LIMS4: variants seen among roughly 807,000 people sequenced by gnomAD.
LIMS4 encodes LIM zinc finger domain containing 4.
chr2:110,373,747 C>G, the LIMS4 span, among the ~76,000 whole-genome samples: 4 of 149,786 alleles, frequency 2.7e-5, no homozygotes, highest in South Asian at 8.3e-4. Context: ...TCTGCCCGCC[C>G]TGGTTCAGGC....
the LIMS4 span, among the ~76,000 whole-genome samples, chr2:110,410,227 T>C: frequency 2.2e-5 from 3 of 139,474 alleles, no homozygotes; most frequent in Non-Finnish European, 4.6e-5. Flanking sequence ...CTCATGCCTA[T>C]AATCCCAGCA....
chr2:110,401,071 C>CAG, the LIMS4 span, among the ~76,000 whole-genome samples: 1 of 113,802 alleles, frequency 8.8e-6, no homozygotes, highest in South Asian at 3.1e-4. Flanking sequence ...GGCAGTAAGG[C>CAG]AGAGAGAGAG....
At chr2:110,359,292 T>TA in the LIMS4 span, among the ~76,000 whole-genome samples, 512 of 111,874 alleles carry the variant, frequency 4.6e-3, no homozygotes, top group African/African-American at 0.017. Flanking sequence ...TTCCTTTTCT[T>TA]AAAAAAAAAA....
At chr2:110,372,813 G>A in the LIMS4 span, among the ~76,000 whole-genome samples, 1 of 147,636 alleles carries the variant, frequency 6.8e-6, no homozygotes, top group Non-Finnish European at 1.5e-5. Context: ...GCCTGCAGAT[G>A]TCTTTAAAGA....
At chr2:110,365,953 A>T in the LIMS4 span, among the ~76,000 whole-genome samples, 265 of 150,954 alleles carry the variant, frequency 1.8e-3, no homozygotes, top group South Asian at 0.04. Flanking sequence ...TGAAAACACA[A>T]CTCCCCAAAA....
the LIMS4 span, among the ~76,000 whole-genome samples, chr2:110,396,026 G>A: frequency 7.2e-6 from 1 of 138,862 alleles, no homozygotes; most frequent in South Asian, 2.3e-4. Context: ...CAACCCACAT[G>A]CTTCAGATGG....
At chr2:110,392,003 T>C in the LIMS4 span, among the ~76,000 whole-genome samples, 2 of 151,092 alleles carry the variant, frequency 1.3e-5, no homozygotes, top group Admixed American at 1.3e-4. Flanking sequence ...TGGGGTCCTC[T>C]TATCAGATAA....
At chr2:110,385,114 C>T in the LIMS4 span, among the ~76,000 whole-genome samples, 2 of 134,022 alleles carry the variant, frequency 1.5e-5, no homozygotes, top group Non-Finnish European at 3.1e-5. Context: ...GGCTGGTCCT[C>T]GGGACCCTCA....
chr2:110,424,233 A>AC, the LIMS4 span: 2 of 21,140 alleles, frequency 9.5e-5, no homozygotes, highest in Non-Finnish European at 9.9e-5. Flanking sequence ...GTCCTAGGGG[A>AC]CCCCCCAGGA....
chr2:110,391,990 A>T, the LIMS4 span, among the ~76,000 whole-genome samples: 2 of 150,960 alleles, frequency 1.3e-5, no homozygotes, highest in Admixed American at 1.3e-4. Flanking sequence ...CCTGAGAAGC[A>T]TTTGGGGTCC....
the LIMS4 span, chr2:110,382,859 G>T: frequency 1.3e-5 from 2 of 150,994 alleles, no homozygotes; most frequent in Non-Finnish European, 2.7e-5. Context: ...AGGGAAATGG[G>T]CAGTGGCTGC....
the LIMS4 span, chr2:110,361,023 G>C: frequency 6.4e-5 from 98 of 1,543,232 alleles, 17 homozygotes; most frequent in African/African-American, 1.5e-3. Context: ...AGCTTTGGTT[G>C]AGTGATTGCT....
the LIMS4 span, among the ~76,000 whole-genome samples, chr2:110,392,230 G>C: frequency 6.6e-6 from 1 of 151,452 alleles, no homozygotes; most frequent in African/African-American, 2.5e-5. Flanking sequence ...GCCAGTGTCT[G>C]GGTTGTAGGT....
At chr2:110,392,133 G>C in the LIMS4 span, among the ~76,000 whole-genome samples, 1 of 152,090 alleles carries the variant, frequency 6.6e-6, no homozygotes. Flanking sequence ...TTTAATACCA[G>C]AAAATTAGAA....
chr2:110,365,907 A>G, the LIMS4 span, among the ~76,000 whole-genome samples: 1 of 147,422 alleles, frequency 6.8e-6, no homozygotes, highest in Non-Finnish European at 1.5e-5. Flanking sequence ...CTCTAGGCAC[A>G]CAAACTAGAA....
At chr2:110,371,749 C>T in the LIMS4 span, among the ~76,000 whole-genome samples, 1 of 143,226 alleles carries the variant, frequency 7.0e-6, no homozygotes. Flanking sequence ...TCAGTTCTGG[C>T]CAGTTCTAGC....
the LIMS4 span, among the ~76,000 whole-genome samples, chr2:110,371,237 GAA>G: frequency 4.2e-3 from 353 of 84,018 alleles, 5 homozygotes; most frequent in East Asian, 0.048. Context: ...CTATTAATGA[GAA>G]AAAAAAAAAA....
At chr2:110,367,053 ACTG>A in the LIMS4 span, among the ~76,000 whole-genome samples, 1 of 151,178 alleles carries the variant, frequency 6.6e-6, no homozygotes, top group South Asian at 2.1e-4. Context: ...ATTACAAAGC[ACTG>A]CTGAAAGAAA....
chr2:110,391,323 T>C, the LIMS4 span, among the ~76,000 whole-genome samples: 1 of 133,562 alleles, frequency 7.5e-6, no homozygotes, highest in Non-Finnish European at 1.6e-5. Context: ...GGGGCTGGAC[T>C]GAGGTCTCCT....
Sources: gnomAD v4.1 joint callset for allele counts (sites outside exome capture counted in the v4.1 genomes callset) on GRCh38, gnomAD v4.1.1 for gene constraint, MANE v1.5 for transcripts, NCBI Gene and HGNC (gene_info 2026-07-23, HGNC 2026-07-21) for gene names.